The following LRRTM4 variants were observed in gnomAD, a reference collection of about 807,000 sequenced individuals.
LRRTM4 encodes the protein leucine rich repeat transmembrane neuronal 4.
LRRTM4 carries 25 observed loss-of-function variants against 47.6 expected under a neutral mutation model. The ratio of observed to expected loss-of-function variants is 0.53; its 90% CI spans 0.38 to 0.73. The LOEUF is 0.73. Among genes scored for constraint, LRRTM4 ranks in the 30% least tolerant of loss-of-function variants. LRRTM4 has a pLI of 0.00. For synonymous variants in LRRTM4, 311 were observed against 269.5 expected (o/e 1.15, Z -1.51); for missense variants, 638 against 713.4 (o/e 0.89, Z 1.20).
intron 3 of LRRTM4, among the ~76,000 whole-genome samples, chr2:76,764,640 CA>C (rs34383406): frequency 0.35 from 52,359 of 151,456 alleles, 10,049 homozygotes; most frequent in East Asian, 0.54. Context: ...CAAAACAAAA[CA>C]AAAAAAACAA....
intron 3 of LRRTM4, among the ~76,000 whole-genome samples, chr2:77,353,175 T>A (rs1370052296): frequency 1.3e-5 from 2 of 152,168 alleles, no homozygotes; most frequent in African/African-American, 4.8e-5. Context: ...AACAAAAGTA[T>A]AATCAAGATA....
intron 3 of LRRTM4, among the ~76,000 whole-genome samples, chr2:76,950,307 C>T (rs539947562): frequency 6.6e-6 from 1 of 152,010 alleles, no homozygotes. Context: ...TCCTGGAAGG[C>T]GTATTTCCTA....
rs546738707 is a variant in LRRTM4, at chr2:77,411,491, C to T, written c.1551+106827G>A. On this transcript the variant is annotated intron_variant, in intron 3 of 3. Coordinates refer to ENST00000409884, the MANE Select transcript of LRRTM4 (RefSeq NM_001134745.3). ...TTTTTGAGACGGAGTCTTGCTCTGT[C>T]GCCCAGGCTGGGGTGCAGTGGCGTG... Among the ~76,000 whole-genome samples, 149 of 129,580 alleles carry T rather than the reference C, an allele frequency of 1.1e-3. 1 individual carries two copies. Among genetic ancestry groups the T allele is most frequent in the South Asian group, 8.6e-3 (33 of 3,822 alleles). 85.0% of individuals were successfully genotyped at this position (129,580 alleles called of 152,430 possible).
At chr2:76,824,733 G>T (rs1181457262) in intron 3 of LRRTM4, among the ~76,000 whole-genome samples, 1 of 151,578 alleles carries the variant, frequency 6.6e-6, no homozygotes, top group Non-Finnish European at 1.5e-5. Context: ...TCTTTCATGG[G>T]ATTCCAGAGG....
rs372944264 is a variant in LRRTM4 at position 77,243,364 on chromosome 2, C to T, written c.1551+274954G>A. Among the ~76,000 whole-genome samples, 10 of 140,540 alleles carry T rather than the reference C, an allele frequency of 7.1e-5. No homozygotes were observed. In the East Asian group the frequency reaches 1.2e-3, roughly 17 times the overall value. The allele number at this position is 140,540 out of a possible 152,430, so 92.2% of individuals were successfully genotyped here. A position where few individuals can be genotyped will look rare whatever the true frequency, so the allele number is the denominator to read the frequency against. On this transcript the variant is annotated intron_variant, in intron 3 of 3. Transcript: ENST00000409884. ...GGCGGAGGTTGCGGTGAGCCGAGAT[C>T]GTGCCATTGCACTCCAGCCTGGGCA...
chr2:76,882,494 C>G (rs1485675659), intron 3 of LRRTM4, among the ~76,000 whole-genome samples: 3 of 151,304 alleles, frequency 2.0e-5, no homozygotes, highest in South Asian at 2.1e-4. Flanking sequence ...GAGTTCGAGA[C>G]CAATCCAAGC....
intron 3 of LRRTM4, among the ~76,000 whole-genome samples, chr2:76,814,382 GA>G (rs1175538513): frequency 6.9e-6 from 1 of 145,820 alleles, no homozygotes; most frequent in Non-Finnish European, 1.5e-5. Context: ...TATTATTGAA[GA>G]AAAAAGCTAT....
At chr2:77,024,495 TAA>T (rs35116332) in intron 3 of LRRTM4, among the ~76,000 whole-genome samples, 17 of 130,102 alleles carry the variant, frequency 1.3e-4, no homozygotes, top group Non-Finnish European at 1.2e-4. Flanking sequence ...GGTCTAGAAT[TAA>T]AAAAAAAAAA....
At chr2:77,087,466 G>T (rs568550229) in intron 3 of LRRTM4, among the ~76,000 whole-genome samples, 1 of 152,326 alleles carries the variant, frequency 6.6e-6, no homozygotes, top group South Asian at 2.1e-4. Context: ...AATTTCCCAG[G>T]TTGGTAGTAA....
intron 3 of LRRTM4, among the ~76,000 whole-genome samples, chr2:77,181,851 C>A (rs1170346344): frequency 4.6e-5 from 7 of 152,126 alleles, no homozygotes; most frequent in African/African-American, 1.7e-4. Context: ...TAGAGAAATG[C>A]AAATCAAAAC....
chr2:77,163,147 C>A (rs1271325809), intron 3 of LRRTM4, among the ~76,000 whole-genome samples: 1 of 152,098 alleles, frequency 6.6e-6, no homozygotes, highest in Non-Finnish European at 1.5e-5. Flanking sequence ...CCTGATGGAG[C>A]TGAAAACCAT....
At chr2:76,861,383 T>C (rs1052276540) in intron 3 of LRRTM4, among the ~76,000 whole-genome samples, 1 of 152,166 alleles carries the variant, frequency 6.6e-6, no homozygotes, top group African/African-American at 2.4e-5. Flanking sequence ...ATTTGATTTT[T>C]TTTCCCATAT....
chr2:76,941,235 A>G (rs1341456497), intron 3 of LRRTM4, among the ~76,000 whole-genome samples: 3 of 152,176 alleles, frequency 2.0e-5, no homozygotes, highest in South Asian at 2.1e-4. Flanking sequence ...GGATGCACAC[A>G]TATTATATTT....
chr2:77,371,674 T>G (rs1672661643), intron 3 of LRRTM4, among the ~76,000 whole-genome samples: 1 of 151,732 alleles, frequency 6.6e-6, no homozygotes, highest in Non-Finnish European at 1.5e-5. Context: ...CTGCTCTAAG[T>G]CCTGACTACA....
chr2:77,061,395 C>T (rs1165551239), intron 3 of LRRTM4, among the ~76,000 whole-genome samples: 5 of 152,092 alleles, frequency 3.3e-5, no homozygotes, highest in African/African-American at 1.2e-4. Context: ...AAGTGACCTT[C>T]AAAACAGAAA....
intron 3 of LRRTM4, among the ~76,000 whole-genome samples, chr2:76,787,941 A>G (rs1351186058): frequency 4.6e-5 from 7 of 152,112 alleles, no homozygotes; most frequent in Non-Finnish European, 7.4e-5. Context: ...TTTAACATGA[A>G]TTGCTTTATG....
intron 3 of LRRTM4, among the ~76,000 whole-genome samples, chr2:76,802,404 T>A (rs1228120929): frequency 2.0e-5 from 3 of 151,850 alleles, no homozygotes; most frequent in Non-Finnish European, 4.4e-5. Context: ...TAGGAAAAAA[T>A]TTAACCAGTG....
At chr2:76,980,322 G>T (rs1055354174) in intron 3 of LRRTM4, among the ~76,000 whole-genome samples, 11 of 152,138 alleles carry the variant, frequency 7.2e-5, no homozygotes, top group Non-Finnish European at 2.9e-5. Flanking sequence ...CTGTAGCATT[G>T]TAACAAGTTA....
intron 3 of LRRTM4, among the ~76,000 whole-genome samples, chr2:77,055,962 T>C (rs1381385550): frequency 1.4e-5 from 2 of 146,884 alleles, no homozygotes; most frequent in South Asian, 2.2e-4. Context: ...ACACCGCATA[T>C]TCTCACTCAT....
Sources: gnomAD v4.1 joint callset for allele counts (sites outside exome capture counted in the v4.1 genomes callset) on GRCh38, gnomAD v4.1.1 for gene constraint, MANE v1.5 for transcripts, NCBI Gene and HGNC (gene_info 2026-07-23, HGNC 2026-07-21) for gene names.